Variants in SHC1 observed in about 807,000 individuals in gnomAD.
The protein encoded by SHC1 is SHC-transforming protein 1.
In SHC1, 30 loss-of-function variants were observed where a neutral mutation model predicts 55.9. The observed-to-expected ratio is 0.54, with a 90% CI of 0.40 to 0.73. The LOEUF (loss-of-function observed/expected upper bound fraction) is 0.73. Ranked by LOEUF, SHC1 falls within the 30% of genes least tolerant of loss-of-function variation. The pLI is 0.00. For synonymous variants in SHC1, 309 were observed against 306.1 expected, an observed-to-expected ratio of 1.01 and a Z score of -0.10; for missense variants, 675 against 777.1, an observed-to-expected ratio of 0.87 and a Z score of 1.56.
intron 2 of SHC1, 90 bp downstream of exon 2, chr1:154,969,288 C>T (rs1401855487): frequency 1.2e-6 from 1 of 840,086 alleles, no homozygotes; most frequent in African/African-American, 1.7e-5. Flanking sequence ...CAGCCCCCAG[C>T]AGCAGCACCC....
upstream of SHC1, among the ~76,000 whole-genome samples, chr1:154,972,914 TA>T (rs200170115): frequency 1.9e-3 from 279 of 143,840 alleles, no homozygotes; most frequent in Middle Eastern, 3.6e-3. Context: ...AACTGTCCCT[TA>T]AAAAAAAAAA....
chr1:154,966,781 C>T (rs1656042098), intron 7 of SHC1, among the ~76,000 whole-genome samples: 1 of 152,206 alleles, frequency 6.6e-6, no homozygotes, highest in African/African-American at 2.4e-5. Context: ...CGGCCGAGCT[C>T]AGATTTAAAT....
rs1050545864 is a variant in SHC1, at chr1:154,968,716, C to T, written c.630+55G>A. The stretch of plus-strand genomic sequence containing the variant: ...CCCCACATGCCCCACACTTGCCTCC[C>T]CACTGCCCCTCCACATTTCCCAGCA... On this transcript the variant is annotated intron_variant, in intron 3 of 11. Transcript: ENST00000448116. The T allele has an allele frequency of 2.7e-5, 44 of 1,610,168 alleles. No individual in the cohort carries two copies. The East Asian group carries it at 9.8e-4, about 36-fold the overall frequency.
At chr1:154,971,863 A>T (rs994093992), upstream of SHC1, among the ~76,000 whole-genome samples, 6 of 151,488 alleles carry the variant, frequency 4.0e-5, no homozygotes, top group African/African-American at 1.5e-4. Context: ...ACAGTCCCAA[A>T]CCCATTCCTG....
Position 154,968,790 on chromosome 1 carries a change from C to G in SHC1, c.611G>C (p.Gly204Ala). Reference protein sequence around the residue: ...LVCEAVPGAKGATRRRKPCSR... With the variant: ...LVCEAVPGAKAATRRRKPCSR... ...AAGTACCTTTCTCCTCCTTGTCGCCCCCTTAGCACCCGGCACAGCCTCACA... is the reference window on the plus strand; with the variant it reads ...AAGTACCTTTCTCCTCCTTGTCGCCGCCTTAGCACCCGGCACAGCCTCACA... Residue 204 changes from glycine (G) to alanine (A), a missense_variant, in exon 3 of 12, where the codon GGG (glycine) becomes GCG (alanine). By Grantham distance (60) the Gly-to-Ala change is moderately conservative. Coordinates refer to ENST00000448116, the MANE Select transcript of SHC1 (RefSeq NM_001130040.2). The G allele has an allele frequency of 6.2e-7, 1 of 1,614,066 alleles. No homozygotes were observed. Among genetic ancestry groups the G allele is most frequent in the South Asian group, 1.1e-5 (1 of 91,082 alleles).
rs778276665 is a variant in SHC1, at chr1:154,970,116, G to A, written c.411C>T (p.His137=). The change falls in exon 1 of 12, where the codon CAC becomes CAT. Residue 137 remains histidine, a synonymous_variant. Transcript: ENST00000448116. The surrounding 1 kb of genome is among the most constrained non-coding windows in gnomAD (Gnocchi z 5.5). ...GCGTGGGCTTATTGACAAAGCTCCCGTGGCGGGTCCACTCCTCGCCCCCAA... is the reference window on the plus strand; with the variant it reads ...GCGTGGGCTTATTGACAAAGCTCCCATGGCGGGTCCACTCCTCGCCCCCAA... ...GQLGGEEWTR[H]GSFVNKPTRG... is the part of the protein sequence containing the mutation. 12 of 1,613,486 alleles carry A rather than the reference G, an allele frequency of 7.4e-6. No individual in the cohort carries two copies. Among genetic ancestry groups the A allele is most frequent in the African/African-American group, 4.0e-5 (3 of 74,894 alleles).
In SHC1 at chr1:154,968,486, T is replaced by A; in HGVS notation, c.750+9A>T. 1 of 1,614,034 alleles carries A rather than the reference T, an allele frequency of 6.2e-7. No individual in the cohort carries two copies. The highest frequency in any genetic ancestry group is 8.5e-7 in the Non-Finnish European group (1 of 1,180,006). On this transcript the variant is annotated intron_variant, in intron 4 of 11. Coordinates refer to ENST00000448116, the MANE Select transcript of SHC1 (RefSeq NM_001130040.2). Reference sequence around the variant, plus strand: ...AGTGTTTCTGGTCCGTCTGCCCACCTTCACCAACCTGTTTGCAGTCTGCGG... The same window carrying A: ...AGTGTTTCTGGTCCGTCTGCCCACCATCACCAACCTGTTTGCAGTCTGCGG...
chr1:154,970,622 T>A lies in SHC1; in HGVS notation c.-96A>T. The A allele has an allele frequency of 1.2e-6, 1 of 801,302 alleles. No individual in the cohort carries two copies. The highest frequency in any genetic ancestry group is 2.0e-6 in the Non-Finnish European group (1 of 496,732). 49.6% of individuals were successfully genotyped at this position (801,302 alleles called of 1,614,324 possible). A position where few individuals can be genotyped will look rare whatever the true frequency, so the allele number is the denominator to read the frequency against. ...GGGTATCCCCAGGCCCTTAGCCTGG[T>A]TGGACCTCTGTGGCCCAGGAGTCAC... On this transcript the variant is annotated 5_prime_UTR_variant, in exon 1 of 12. Coordinates refer to ENST00000448116, the MANE Select transcript of SHC1 (RefSeq NM_001130040.2). This position sits in a 1 kb window ranked among gnomAD's most constrained non-coding sequence, Gnocchi z 5.5.
At chr1:154,965,403 A>C (rs777889213) in intron 11 of SHC1, 140 bp downstream of exon 11, 6 of 1,610,068 alleles carry the variant, frequency 3.7e-6, no homozygotes, top group Non-Finnish European at 5.1e-6. Flanking sequence ...GATGCCAGAC[A>C]CTTTAAAGAG....
At chr1:154,965,228 G>T in intron 11 of SHC1, 1 of 486,894 alleles carries the variant, frequency 2.1e-6, no homozygotes, top group Non-Finnish European at 3.4e-6. Context: ...GTAGAGACAG[G>T]GTTTCACCAT....
intron 11 of SHC1, chr1:154,965,315 G>T (rs542909982): frequency 3.5e-6 from 5 of 1,415,926 alleles, no homozygotes; most frequent in African/African-American, 1.4e-5. Flanking sequence ...GGGATTACAG[G>T]TGTGAGCCAC....
chr1:154,967,125 C>CTCTTGA (rs1656091055), intron 7 of SHC1, among the ~76,000 whole-genome samples: 2 of 149,724 alleles, frequency 1.3e-5, no homozygotes, highest in South Asian at 4.3e-4. Flanking sequence ...AATGCTCTTG[C>CTCTTGA]TCTTGATCTC....
Position 154,968,542 on chromosome 1 carries a change from T to C in SHC1, c.703A>G (p.Thr235Ala). 6.2e-7 allele frequency: 1 copy of C among 1,613,868 alleles called. No individual in the cohort carries two copies. The highest frequency in any genetic ancestry group is 2.2e-5 in the East Asian group (1 of 44,866). Residue 235 changes from threonine (T) to alanine (A), a missense_variant, in exon 4 of 12, where the codon ACC becomes GCC. Coordinates refer to ENST00000448116, the MANE Select transcript of SHC1 (RefSeq NM_001130040.2). ...LKFAGMPITL[T>A]VSTSSLNLMA... ...AGGTTGAGGCTGCTGGTGGAGACGGTGAGAGTGATTGGCATTCCAGCAAAT... is the reference window on the plus strand; with the variant it reads ...AGGTTGAGGCTGCTGGTGGAGACGGCGAGAGTGATTGGCATTCCAGCAAAT...
In SHC1 at chr1:154,968,545, G is replaced by C; in HGVS notation, c.700C>G (p.Leu234Val). ...TTGAGGCTGCTGGTGGAGACGGTGA[G>C]AGTGATTGGCATTCCAGCAAATTTC... Reference protein sequence around the residue: ...NLKFAGMPITLTVSTSSLNLM... With the variant: ...NLKFAGMPITVTVSTSSLNLM... Residue 234 changes from leucine (L) to valine (V), a missense_variant, in exon 4 of 12, where the codon CTC becomes GTC. Around this residue, in one of 3 missense-constraint regions of SHC1, gnomAD observed 159 missense variants for 246.9 expected, o/e 0.64. Coordinates refer to ENST00000448116, the MANE Select transcript of SHC1 (RefSeq NM_001130040.2). 1 of 1,614,164 alleles carries C rather than the reference G, an allele frequency of 6.2e-7. No homozygotes were observed. Among genetic ancestry groups the C allele is most frequent in the East Asian group, 2.2e-5 (1 of 44,892 alleles).
chr1:154,973,003 C>T (rs910597591), upstream of SHC1, among the ~76,000 whole-genome samples: 1 of 152,128 alleles, frequency 6.6e-6, no homozygotes, highest in Non-Finnish European at 1.5e-5. Flanking sequence ...AACTTTTGCT[C>T]ATGTCACACC....
Position 154,970,283 on chromosome 1 carries a change from C to T in SHC1, c.244G>A (p.Gly82Arg). ...NPAGGRPGSK[G>R]EPGRAADDGE... ...TCATCAGCTGCCCTTCCTGGCTCCC[C>T]CTTAGACCCTGGGCGCCCCCCAGCC... Residue 82 changes from glycine to arginine, a missense_variant, in exon 1 of 12, where the codon GGG (glycine) becomes AGG (arginine). By Grantham distance (125) the Gly-to-Arg change is moderately radical. This residue lies in a region of SHC1 where 156 missense variants were observed against 159.1 expected (regional missense o/e 0.98). Transcript: ENST00000448116. The surrounding 1 kb of genome is among the most constrained non-coding windows in gnomAD (Gnocchi z 5.5). 6.2e-7 allele frequency: 1 copy of T among 1,607,280 alleles called. No homozygotes were observed. Among genetic ancestry groups the T allele is most frequent in the Non-Finnish European group, 8.5e-7 (1 of 1,175,906 alleles).
At chr1:154,974,040 G>A (rs1571465215), upstream of SHC1, among the ~76,000 whole-genome samples, 1 of 152,020 alleles carries the variant, frequency 6.6e-6, no homozygotes, top group Non-Finnish European at 1.5e-5. Flanking sequence ...GGGACTTCCA[G>A]AAAAACTGGG....
rs1266569632 is a variant in SHC1 at position 154,962,422 on chromosome 1, AAG to A, written c.*1379_*1380del. 6.6e-6 allele frequency: 1 copy of A among 152,666 alleles called. No individual in the cohort carries two copies. The highest frequency in any genetic ancestry group is 1.5e-5 in the Non-Finnish European group (1 of 68,024). 9.5% of individuals were successfully genotyped at this position (152,666 alleles called of 1,614,324 possible). On this transcript the variant is annotated 3_prime_UTR_variant, in exon 12 of 12. Transcript: ENST00000448116. ...AACTCTCCCTTATCCACAAGGCCAAAAGAGGGGGGGCCGGCTTGCTGTGGTGT... is the reference window on the plus strand; with the variant it reads ...AACTCTCCCTTATCCACAAGGCCAAAAGGGGGGGCCGGCTTGCTGTGGTGT...
chr1:154,970,758 A>T, upstream of SHC1: 1 of 460,528 alleles, frequency 2.2e-6, no homozygotes, highest in Non-Finnish European at 3.8e-6. This position sits in a 1 kb window ranked among gnomAD's most constrained non-coding sequence, Gnocchi z 5.5. Flanking sequence ...GGCTGAGAAG[A>T]GAACAGGCTG....
Sources: gnomAD v4.1 joint callset for allele counts (sites outside exome capture counted in the v4.1 genomes callset) on GRCh38, gnomAD v4.1.1 for gene constraint, gnomAD v4.1.1 regional missense constraint, Gnocchi (gnomAD v3.1) non-coding constraint, MANE v1.5 for transcripts, NCBI Gene and HGNC (gene_info 2026-07-23, HGNC 2026-07-21) for gene names.